GLCCI1: variants seen among roughly 807,000 people sequenced by gnomAD.
GLCCI1 encodes glucocorticoid induced 1.
Under a neutral mutation model 52.2 loss-of-function variants are expected in GLCCI1, and 24 were observed. The ratio of observed to expected loss-of-function variants is 0.46; its 90% CI spans 0.33 to 0.65. The LOEUF (loss-of-function observed/expected upper bound fraction) is 0.65, where lower values mean the gene tolerates loss of function less well. Ranked by LOEUF, GLCCI1 falls within the 30% of genes least tolerant of loss-of-function variation. GLCCI1 has a pLI of 0.02. For missense variants in GLCCI1, 704 were observed against 701.5 expected (o/e 1.00, Z -0.04); for synonymous variants, 310 against 276.5 (o/e 1.12, Z -1.20).
intron 1 of GLCCI1, among the ~76,000 whole-genome samples, chr7:8,003,276 C>G (rs2115426414): frequency 6.6e-6 from 1 of 152,174 alleles, no homozygotes; most frequent in African/African-American, 2.4e-5. Flanking sequence ...CTGAACTGGT[C>G]TTGAAGATAA....
At chr7:7,973,811 T>G (rs1780405339) in intron 1 of GLCCI1, among the ~76,000 whole-genome samples, 1 of 152,154 alleles carries the variant, frequency 6.6e-6, no homozygotes, top group East Asian at 1.9e-4. Context: ...TGTTTGCCTG[T>G]GTTCATTCAT....
At chr7:8,061,655 C>CTTTT (rs1562446626) in intron 5 of GLCCI1, among the ~76,000 whole-genome samples, 1 of 94,712 alleles carries the variant, frequency 1.1e-5, no homozygotes. Context: ...TACCATTGAA[C>CTTTT]TCTTTTTTTT....
At chr7:8,006,240 G>T (rs1781146404) in intron 2 of GLCCI1, among the ~76,000 whole-genome samples, 1 of 152,218 alleles carries the variant, frequency 6.6e-6, no homozygotes. Flanking sequence ...GGAAAAAATT[G>T]TTGACAGTAT....
chr7:8,006,083 C>T (rs1293368154), intron 2 of GLCCI1, among the ~76,000 whole-genome samples: 1 of 152,166 alleles, frequency 6.6e-6, no homozygotes, highest in East Asian at 1.9e-4. Context: ...CAGGCATGCG[C>T]CACCACTCCT....
At chr7:7,974,398 G>A (rs1562412218) in intron 1 of GLCCI1, among the ~76,000 whole-genome samples, 1 of 152,248 alleles carries the variant, frequency 6.6e-6, no homozygotes, top group East Asian at 1.9e-4. Context: ...AAAGTTCTGT[G>A]TGTATATATC....
chr7:8,020,758 A>T (rs1403804137), intron 2 of GLCCI1, among the ~76,000 whole-genome samples: 1 of 152,188 alleles, frequency 6.6e-6, no homozygotes, highest in Non-Finnish European at 1.5e-5. Context: ...TTTCATTTTG[A>T]TAAGAGTAAT....
chr7:8,081,614 G>A (rs1348743234), intron 6 of GLCCI1, among the ~76,000 whole-genome samples: 1 of 152,058 alleles, frequency 6.6e-6, no homozygotes, highest in African/African-American at 2.4e-5. Context: ...AAAATCAGAA[G>A]AATTTCAGAA....
At chr7:8,048,454 T>G (rs1782183410) in intron 3 of GLCCI1, among the ~76,000 whole-genome samples, 1 of 152,128 alleles carries the variant, frequency 6.6e-6, no homozygotes, top group South Asian at 2.1e-4. Flanking sequence ...TACAGGGAGT[T>G]TAGATTTATT....
intron 2 of GLCCI1, among the ~76,000 whole-genome samples, chr7:8,017,006 A>G (rs1483518208): frequency 6.6e-6 from 1 of 152,194 alleles, no homozygotes; most frequent in East Asian, 1.9e-4. Flanking sequence ...TTCAATAAAC[A>G]ATTTCTGGTA....
At chr7:8,055,240 A>G (rs747566135) in intron 3 of GLCCI1, among the ~76,000 whole-genome samples, 193 bp from the exon 4 acceptor site, 10 of 152,266 alleles carry the variant, frequency 6.6e-5, no homozygotes, top group Non-Finnish European at 1.3e-4. Context: ...GAAGTGAAGC[A>G]TTTGTAGCAT....
At chr7:8,002,324 A>G (rs1781065815) in intron 1 of GLCCI1, among the ~76,000 whole-genome samples, 1 of 152,164 alleles carries the variant, frequency 6.6e-6, no homozygotes, top group African/African-American at 2.4e-5. Flanking sequence ...TCTGAAAACA[A>G]AATATCTTCT....
intron 3 of GLCCI1, among the ~76,000 whole-genome samples, chr7:8,044,694 G>A (rs1463386282): frequency 1.3e-5 from 2 of 152,128 alleles, no homozygotes; most frequent in Middle Eastern, 3.2e-3. Context: ...TAATTCACAT[G>A]TATACTCTCT....
intron 1 of GLCCI1, among the ~76,000 whole-genome samples, chr7:7,993,453 C>G (rs1319789040): frequency 6.6e-6 from 1 of 152,168 alleles, no homozygotes; most frequent in Non-Finnish European, 1.5e-5. Context: ...TAGATTTGAG[C>G]ATAGCCATAT....
At chr7:8,014,099 C>T (rs539334416) in intron 2 of GLCCI1, among the ~76,000 whole-genome samples, 5 of 151,686 alleles carry the variant, frequency 3.3e-5, no homozygotes, top group African/African-American at 1.2e-4. Context: ...AAGTGATTCT[C>T]CTGCCTTAGC....
At chr7:8,045,807 C>T (rs764471772) in intron 3 of GLCCI1, among the ~76,000 whole-genome samples, 2 of 152,066 alleles carry the variant, frequency 1.3e-5, no homozygotes, top group Admixed American at 1.3e-4. Context: ...AGTAACCATG[C>T]AACCACACAG....
intron 3 of GLCCI1, among the ~76,000 whole-genome samples, chr7:8,043,276 C>T (rs995332925): frequency 1.3e-5 from 2 of 151,026 alleles, no homozygotes; most frequent in Admixed American, 6.6e-5. Flanking sequence ...TTGTGGTGGT[C>T]TGGAATCAAA....
intron 6 of GLCCI1, among the ~76,000 whole-genome samples, chr7:8,074,480 T>TA (rs1188047066): frequency 6.6e-6 from 1 of 152,116 alleles, no homozygotes; most frequent in Non-Finnish European, 1.5e-5. Context: ...GGTCAGGAGT[T>TA]AAAGACCAGC....
intron 5 of GLCCI1, among the ~76,000 whole-genome samples, chr7:8,062,104 C>T (rs1782530584): frequency 6.6e-6 from 1 of 152,136 alleles, no homozygotes; most frequent in Non-Finnish European, 1.5e-5. Context: ...AAAAGCAAAA[C>T]TATACTAAAA....
intron 1 of GLCCI1, among the ~76,000 whole-genome samples, chr7:7,992,127 CTCAT>C (rs1195197997): frequency 2.1e-5 from 3 of 145,020 alleles, no homozygotes; most frequent in African/African-American, 2.7e-5. Context: ...CTCTCTCTCT[CTCAT>C]ATATATATAT....
Sources: gnomAD v4.1 joint callset for allele counts (sites outside exome capture counted in the v4.1 genomes callset) on GRCh38, gnomAD v4.1.1 for gene constraint, MANE v1.5 for transcripts, NCBI Gene and HGNC (gene_info 2026-07-23, HGNC 2026-07-21) for gene names.